GRM5: variants seen among roughly 807,000 people sequenced by gnomAD.
The protein encoded by GRM5 is metabotropic glutamate receptor 5.
Under a neutral mutation model 83.1 loss-of-function variants are expected in GRM5, and 19 were observed. The observed-to-expected ratio is 0.23, with a 90% CI of 0.16 to 0.34. GRM5 has a LOEUF of 0.34. Among genes scored for constraint, GRM5 ranks in the 10% least tolerant of loss-of-function variants. The pLI is 1.00. For synonymous variants in GRM5, 675 were observed against 633.6 expected, an observed-to-expected ratio of 1.07 and a Z score of -0.98; for missense variants, 1,160 against 1,588.3, an observed-to-expected ratio of 0.73 and a Z score of 4.58.
chr11:89,065,212 C>CA (rs1942075553), intron 1 of GRM5, among the ~76,000 whole-genome samples: 1 of 151,420 alleles, frequency 6.6e-6, no homozygotes, highest in Non-Finnish European at 1.5e-5. Context: ...CTCCCTCAAA[C>CA]ACCTAATGGG....
intron 3 of GRM5, among the ~76,000 whole-genome samples, chr11:88,849,401 G>A (rs1565260384): frequency 6.6e-6 from 1 of 152,038 alleles, no homozygotes; most frequent in Non-Finnish European, 1.5e-5. Flanking sequence ...TTGGTATCTT[G>A]TCTAGAAACA....
At chr11:88,599,969 C>T (rs542777791) in intron 5 of GRM5, among the ~76,000 whole-genome samples, 12 of 152,250 alleles carry the variant, frequency 7.9e-5, no homozygotes, top group African/African-American at 1.9e-4. Flanking sequence ...GCCTAGATCG[C>T]GCCACTGCAC....
chr11:88,687,567 AT>A (rs1940671421), intron 3 of GRM5, among the ~76,000 whole-genome samples: 1 of 17,730 alleles, frequency 5.6e-5, no homozygotes, highest in East Asian at 4.3e-3. Context: ...TATATTATAT[AT>A]ATATATATAT....
chr11:88,745,536 T>G (rs562516497), intron 3 of GRM5, among the ~76,000 whole-genome samples: 1 of 152,302 alleles, frequency 6.6e-6, no homozygotes, highest in African/African-American at 2.4e-5. Flanking sequence ...TATAACATTC[T>G]TAGGCTGAGC....
At chr11:88,605,584 T>C (rs1279066000) in intron 4 of GRM5, among the ~76,000 whole-genome samples, 1 of 152,162 alleles carries the variant, frequency 6.6e-6, no homozygotes, top group African/African-American at 2.4e-5. Flanking sequence ...GTGTAATTTA[T>C]CATCTAGAGA....
At chr11:88,914,696 C>G (rs1253116634) in intron 2 of GRM5, among the ~76,000 whole-genome samples, 2 of 152,162 alleles carry the variant, frequency 1.3e-5, no homozygotes, top group Non-Finnish European at 2.9e-5. Flanking sequence ...TACCAGCTTA[C>G]TACAAACAAT....
chr11:88,986,473 T>A (rs1854016489), intron 2 of GRM5, among the ~76,000 whole-genome samples: 1 of 152,146 alleles, frequency 6.6e-6, no homozygotes, highest in South Asian at 2.1e-4. Flanking sequence ...AATTTTGCAT[T>A]TGTATATTTT....
In GRM5 at chr11:88,541,215, A is replaced by G. The variant is rs544667617; in HGVS notation, c.2631-15811T>C. On this transcript the variant is annotated intron_variant, in intron 8 of 9. Transcript: ENST00000305447. Reference sequence around the variant, plus strand: ...TCCACACTGCCGAGTGTCTATCACAATAAAGGAAAGTGAGATTACTTTAAT... The same window carrying G: ...TCCACACTGCCGAGTGTCTATCACAGTAAAGGAAAGTGAGATTACTTTAAT... Among the ~76,000 whole-genome samples, 5 of 152,316 alleles carry G rather than the reference A, an allele frequency of 3.3e-5. No individual in the cohort carries two copies. In the East Asian group the frequency reaches 9.6e-4, roughly 29 times the overall value.
At chr11:88,623,689 A>C (rs1265473661) in intron 4 of GRM5, among the ~76,000 whole-genome samples, 1 of 152,224 alleles carries the variant, frequency 6.6e-6, no homozygotes, top group Non-Finnish European at 1.5e-5. Flanking sequence ...GGAGAAAGCT[A>C]AGTACAGCAA....
chr11:88,814,169 CA>C (rs2135500766), intron 3 of GRM5, among the ~76,000 whole-genome samples: 1 of 152,158 alleles, frequency 6.6e-6, no homozygotes, highest in East Asian at 1.9e-4. Flanking sequence ...CAATATTGAA[CA>C]ATGTAGGAGA....
At chr11:88,827,452 C>G (rs570127469) in intron 3 of GRM5, among the ~76,000 whole-genome samples, 149 of 152,324 alleles carry the variant, frequency 9.8e-4, no homozygotes, top group African/African-American at 3.5e-3. Flanking sequence ...ATGTTATGCT[C>G]TTCTTGCTAT....
Position 88,717,544 on chromosome 11 carries a change from C to G in GRM5, c.912-64141G>C, listed in dbSNP as rs181475409. ...CCCTGCTAGTAAATTTAATGCAAGG[C>G]CTAATTTGGTTTAACTCTTCAGCCC... On this transcript the variant is annotated intron_variant, in intron 3 of 9. Transcript: ENST00000305447. 1.1e-4 allele frequency among the ~76,000 whole-genome samples: 16 copies of G among 151,852 alleles called. No individual in the cohort carries two copies. The East Asian group carries it at 3.1e-3, about 29-fold the overall frequency.
chr11:88,853,212 A>C (rs1287051456), intron 2 of GRM5, among the ~76,000 whole-genome samples: 1 of 152,152 alleles, frequency 6.6e-6, no homozygotes, highest in Non-Finnish European at 1.5e-5. Context: ...TTACAGGTAT[A>C]ACGATGCAAA....
At chr11:88,966,776 C>T (rs1363893609) in intron 2 of GRM5, among the ~76,000 whole-genome samples, 3 of 152,070 alleles carry the variant, frequency 2.0e-5, no homozygotes, top group South Asian at 2.1e-4. Context: ...GAGATGAATA[C>T]GTTCTCTATG....
At chr11:88,924,886 C>A (rs1346961444) in intron 2 of GRM5, among the ~76,000 whole-genome samples, 1 of 151,844 alleles carries the variant, frequency 6.6e-6, no homozygotes, top group Non-Finnish European at 1.5e-5. Flanking sequence ...CTATAGTAAG[C>A]ATTTCACTAT....
chr11:88,692,934 G>C (rs993626576), intron 3 of GRM5, among the ~76,000 whole-genome samples: 3 of 152,122 alleles, frequency 2.0e-5, no homozygotes, highest in African/African-American at 7.2e-5. Context: ...CAGTTAACTG[G>C]CTCACTGTCA....
intron 3 of GRM5, among the ~76,000 whole-genome samples, chr11:88,705,092 G>A (rs1941123710): frequency 6.6e-6 from 1 of 152,042 alleles, no homozygotes; most frequent in Non-Finnish European, 1.5e-5. Context: ...ATATGTTATA[G>A]GTAAGACAGT....
At chr11:89,027,816 A>T (rs1934565958) in intron 2 of GRM5, among the ~76,000 whole-genome samples, 1 of 152,242 alleles carries the variant, frequency 6.6e-6, no homozygotes, top group African/African-American at 2.4e-5. Context: ...GAAATTTAAT[A>T]TCACTGCTAT....
At chr11:89,019,613 G>C (rs566188452) in intron 2 of GRM5, among the ~76,000 whole-genome samples, 155 of 152,036 alleles carry the variant, frequency 1.0e-3, no homozygotes, top group African/African-American at 3.6e-3. Context: ...GTTGAGGCAC[G>C]AGAATCACTT....
Sources: allele counts gnomAD v4.1 joint callset (sites outside exome capture counted in the v4.1 genomes callset), GRCh38; gene constraint gnomAD v4.1.1; transcripts MANE v1.5; gene names NCBI Gene and HGNC (gene_info 2026-07-23, HGNC 2026-07-21).